Variants in MCF2L2 observed in about 807,000 individuals in gnomAD.
MCF2L2 encodes the protein MCF.2 cell line derived transforming sequence-like 2.
MCF2L2 carries 102 observed loss-of-function variants against 150.2 expected under a neutral mutation model. That is an observed-to-expected ratio of 0.68 (90% CI 0.58 to 0.80). The LOEUF is 0.80. Ranked by LOEUF, MCF2L2 falls within the 30% of genes least tolerant of loss-of-function variation. The pLI, the probability that MCF2L2 is intolerant of heterozygous loss-of-function variation, is 0.00. For missense variants in MCF2L2, 1,256 were observed against 1,372.8 expected, an observed-to-expected ratio of 0.91 and a Z score of 1.34; for synonymous variants, 465 against 491.3, an observed-to-expected ratio of 0.95 and a Z score of 0.71.
intron 5 of MCF2L2, among the ~76,000 whole-genome samples, chr3:183,327,663 T>G (rs1448442054): frequency 6.6e-6 from 1 of 152,234 alleles, no homozygotes; most frequent in Non-Finnish European, 1.5e-5. Flanking sequence ...TTCAATGCCC[T>G]GTTCCTGAAT....
chr3:183,390,521 G>A (rs1450474369), intron 1 of MCF2L2, among the ~76,000 whole-genome samples: 3 of 152,218 alleles, frequency 2.0e-5, no homozygotes, highest in African/African-American at 4.8e-5. Flanking sequence ...GAATTAGAGA[G>A]AGGGGAGGAC....
intron 22 of MCF2L2, among the ~76,000 whole-genome samples, chr3:183,209,408 T>C (rs1312590529): frequency 2.0e-5 from 3 of 152,144 alleles, no homozygotes; most frequent in African/African-American, 7.2e-5. Context: ...ACACTGGAGG[T>C]GAAAAATTCC....
chr3:183,207,982 A>G (rs1560342213), intron 22 of MCF2L2, among the ~76,000 whole-genome samples, 159 bp from the exon 23 acceptor site: 1 of 152,186 alleles, frequency 6.6e-6, no homozygotes, highest in Non-Finnish European at 1.5e-5. Flanking sequence ...CAAAACGACA[A>G]TTTTTTGAGC....
chr3:183,339,198 T>C (rs996342762), intron 4 of MCF2L2, among the ~76,000 whole-genome samples: 2 of 152,186 alleles, frequency 1.3e-5, no homozygotes, highest in Non-Finnish European at 2.9e-5. Flanking sequence ...ATTGGGAAAT[T>C]AATAAAACTA....
chr3:183,262,416 G>A (rs906001860), intron 15 of MCF2L2, among the ~76,000 whole-genome samples: 3 of 152,058 alleles, frequency 2.0e-5, no homozygotes, highest in African/African-American at 7.2e-5. Context: ...TTGGTTTACC[G>A]TTTTGACATT....
intron 15 of MCF2L2, among the ~76,000 whole-genome samples, chr3:183,239,165 A>C (rs1276216296): frequency 6.6e-6 from 1 of 152,194 alleles, no homozygotes; most frequent in Admixed American, 6.5e-5. Context: ...TCAGAGCTAG[A>C]GGACTGCACT....
intron 21 of MCF2L2, 136 bp from the exon 22 acceptor site, chr3:183,216,230 G>A (rs1722905374): frequency 7.5e-6 from 7 of 936,950 alleles, no homozygotes; most frequent in Non-Finnish European, 1.1e-5. Context: ...CTGTCTCCCT[G>A]CTCCCAAAGC....
chr3:183,278,565 A>G (rs1210739753), intron 14 of MCF2L2, among the ~76,000 whole-genome samples: 4 of 152,206 alleles, frequency 2.6e-5, no homozygotes, highest in African/African-American at 9.6e-5. Context: ...CTATGCCTGA[A>G]TTCCCCACTG....
At chr3:183,394,344 G>A (rs1714327199) in intron 1 of MCF2L2, among the ~76,000 whole-genome samples, 1 of 152,210 alleles carries the variant, frequency 6.6e-6, no homozygotes, top group Admixed American at 6.5e-5. Flanking sequence ...GGTTGAATCA[G>A]TTGCACAATG....
intron 1 of MCF2L2, among the ~76,000 whole-genome samples, chr3:183,417,527 T>C (rs993419303): frequency 3.9e-5 from 6 of 152,226 alleles, no homozygotes; most frequent in Non-Finnish European, 8.8e-5. Flanking sequence ...TTATCTTTAC[T>C]GATGCTCTTT....
At chr3:183,323,029 G>T (rs536458406) in intron 6 of MCF2L2, among the ~76,000 whole-genome samples, 2 of 152,166 alleles carry the variant, frequency 1.3e-5, no homozygotes, top group South Asian at 2.1e-4. Context: ...ACCGGGAGAT[G>T]CAGTGGGGTA....
intron 1 of MCF2L2, among the ~76,000 whole-genome samples, chr3:183,417,350 C>T (rs1157583136): frequency 5.9e-5 from 9 of 152,044 alleles, no homozygotes; most frequent in Non-Finnish European, 2.9e-5. Context: ...AGCTCTTCAA[C>T]TTATGATGAA....
Position 183,354,401 on chromosome 3 carries a change from G to A in MCF2L2, c.276-12771C>T, listed in dbSNP as rs575542847. On this transcript the variant is annotated intron_variant, in intron 3 of 29. Coordinates refer to ENST00000328913, the MANE Select transcript of MCF2L2 (RefSeq NM_015078.4). Reference sequence around the variant, plus strand: ...AACTGAGAGTCTGGCACCTTTTACGGTCTGATAAGGGACATTTACCATCTA... The same window carrying A: ...AACTGAGAGTCTGGCACCTTTTACGATCTGATAAGGGACATTTACCATCTA... 1.5e-4 allele frequency among the ~76,000 whole-genome samples: 23 copies of A among 152,184 alleles called. No homozygotes were observed. The South Asian group carries it at 4.1e-3, about 27-fold the overall frequency.
chr3:183,178,645 CA>C lies in MCF2L2; in HGVS notation c.*734del, dbSNP rs1560326332. On this transcript the variant is annotated 3_prime_UTR_variant, in exon 30 of 30. Coordinates refer to ENST00000328913, the MANE Select transcript of MCF2L2 (RefSeq NM_015078.4). The stretch of plus-strand genomic sequence containing the variant: ...ATAAAATTAAATAACCAGAAAGCTA[CA>C]AAGAAATGAAAATCAACTAATAAAA... 6.6e-6 allele frequency: 1 copy of C among 152,080 alleles called. No individual in the cohort carries two copies. Among genetic ancestry groups the C allele is most frequent in the Non-Finnish European group, 1.5e-5 (1 of 68,014 alleles). The allele number at this position is 152,080 out of a possible 1,614,324, so 9.4% of individuals were successfully genotyped here.
Position 183,180,073 on chromosome 3 carries a change from T to C in MCF2L2, c.3103A>G (p.Ser1035Gly), listed in dbSNP as rs375915630. ...AGAAACAAAAGGGAAGTAATTACAC[T>C]CAGAGCACTGCTCTCCTTTTCCATG... ...EDMEKESSAL[S>G]LAGLFQSDDS... The change falls in exon 28 of 30, where the codon AGT (serine) becomes GGT (glycine). Residue 1035 changes from serine (S) to glycine (G), a missense_variant and splice_region_variant. Ser to Gly is a moderately conservative substitution (Grantham distance 56). Coordinates refer to ENST00000328913, the MANE Select transcript of MCF2L2 (RefSeq NM_015078.4). 17 of 1,611,424 alleles carry C rather than the reference T, an allele frequency of 1.1e-5. No individual in the cohort carries two copies. The highest frequency in any genetic ancestry group is 1.4e-5 in the Non-Finnish European group (16 of 1,177,690).
At position 183,427,950 on chromosome 3, in the gene MCF2L2, G is replaced by T; in HGVS notation, c.28C>A (p.Pro10Thr). ...AGTCGCCGGGTGAGCTCCTGGGGAG[G>T]CATCTCTTCTTTTAAGCAAGACAGC... MLSCLKEEM[P>T]PQELTRRLAT... The change falls in exon 1 of 30, where the codon CCT (proline) becomes ACT (threonine). Residue 10 changes from proline to threonine, a missense_variant. Physicochemically the swap from Pro to Thr is conservative, Grantham distance 38. Coordinates refer to ENST00000328913, the MANE Select transcript of MCF2L2 (RefSeq NM_015078.4). 6.2e-7 allele frequency: 1 copy of T among 1,613,776 alleles called. No individual in the cohort carries two copies. Among genetic ancestry groups the T allele is most frequent in the Non-Finnish European group, 8.5e-7 (1 of 1,179,766 alleles).
At chr3:183,265,193 G>A in intron 15 of MCF2L2, 1 of 152,254 alleles carries the variant, frequency 6.6e-6, no homozygotes, top group Admixed American at 6.5e-5. Context: ...AGAGTGAGGT[G>A]AGGGTTGCCC....
intron 6 of MCF2L2, among the ~76,000 whole-genome samples, chr3:183,319,774 T>A (rs1487508507): frequency 6.6e-6 from 1 of 152,154 alleles, no homozygotes; most frequent in African/African-American, 2.4e-5. Flanking sequence ...ACAGGTGGCT[T>A]AAAATATGCA....
chr3:183,323,498 A>T (rs1228387011), intron 5 of MCF2L2, 147 bp from the exon 6 acceptor site: 1 of 350,772 alleles, frequency 2.9e-6, no homozygotes, highest in African/African-American at 2.1e-5. Flanking sequence ...ATTTATATTT[A>T]AAAATGGTTA....
Sources: allele counts gnomAD v4.1 joint callset (sites outside exome capture counted in the v4.1 genomes callset), GRCh38; gene constraint gnomAD v4.1.1; transcripts MANE v1.5; gene names NCBI Gene and HGNC (gene_info 2026-07-23, HGNC 2026-07-21).